Variants in MRTFB observed in about 807,000 individuals in gnomAD.
MRTFB encodes myocardin related transcription factor B.
MRTFB carries 29 observed loss-of-function variants against 104.2 expected under a neutral mutation model. That is an observed-to-expected ratio of 0.28 (90% CI 0.21 to 0.38). The LOEUF (loss-of-function observed/expected upper bound fraction) is 0.38. MRTFB is among the 10% of genes least tolerant of loss of function. The pLI is 1.00. For missense variants in MRTFB, 1,270 were observed against 1,341.6 expected, an observed-to-expected ratio of 0.95 and a Z score of 0.83; for synonymous variants, 535 against 519.5, an observed-to-expected ratio of 1.03 and a Z score of -0.41.
intron 2 of MRTFB, among the ~76,000 whole-genome samples, chr16:14,112,788 T>G (rs905303310): frequency 5.3e-5 from 8 of 152,236 alleles, no homozygotes; most frequent in Non-Finnish European, 8.8e-5. Flanking sequence ...CCAGGTATCT[T>G]TATAGCTTAT....
chr16:14,234,794 C>A (rs2042421840), intron 9 of MRTFB, among the ~76,000 whole-genome samples: 1 of 151,928 alleles, frequency 6.6e-6, no homozygotes, highest in Admixed American at 6.6e-5. Context: ...GACCCTGTCT[C>A]TTTAAAAAAA....
chr16:14,244,735 CCA>C (rs59583024), intron 10 of MRTFB, among the ~76,000 whole-genome samples: 3,047 of 152,282 alleles, frequency 0.02, 118 homozygotes, highest in African/African-American at 0.069. Context: ...CCCCACTTTT[CCA>C]CTGGGTTTTC....
At position 14,247,423 on chromosome 16, in the gene MRTFB, G is replaced by C; in HGVS notation, c.2163G>C (p.Gln721His). 1.2e-6 allele frequency: 2 copies of C among 1,610,654 alleles called. No individual in the cohort carries two copies. Among genetic ancestry groups the C allele is most frequent in the Non-Finnish European group, 1.7e-6 (2 of 1,179,872 alleles). The change falls in exon 12 of 17, where the codon CAG (glutamine) becomes CAC (histidine). Residue 721 changes from glutamine (Q) to histidine (H), a missense_variant. Around this residue, in one of 3 missense-constraint regions of MRTFB, gnomAD observed 1,144 missense variants for 1,131.5 expected, o/e 1.01. Transcript: ENST00000571589. ...VAQPQALLTT[Q>H]TAQLLLPVSI... ...AGCCCCAGGCTTTACTGACCACGCAGACTGCTCAGCTGCTGCTCCCAGTGT... is the reference window on the plus strand; with the variant it reads ...AGCCCCAGGCTTTACTGACCACGCACACTGCTCAGCTGCTGCTCCCAGTGT...
At chr16:14,130,082 C>T (rs1347495358) in intron 2 of MRTFB, among the ~76,000 whole-genome samples, 4 of 152,190 alleles carry the variant, frequency 2.6e-5, no homozygotes, top group Admixed American at 1.3e-4. Flanking sequence ...CTGCCCACCT[C>T]GGCCTCCCAA....
chr16:14,219,079 C>CAGA, intron 8 of MRTFB, 81 bp downstream of exon 8: 1 of 1,291,976 alleles, frequency 7.7e-7, no homozygotes, highest in Non-Finnish European at 1.0e-6. Context: ...ACACTTTGAC[C>CAGA]AGAAGAAAAT....
chr16:14,223,539 A>C (rs1392950760), intron 8 of MRTFB, among the ~76,000 whole-genome samples: 1 of 152,170 alleles, frequency 6.6e-6, no homozygotes, highest in East Asian at 1.9e-4. Context: ...TTATTTTTTA[A>C]ACCCAAACAA....
chr16:14,028,832 A>T, the MRTFB span, among the ~76,000 whole-genome samples: 1 of 134,714 alleles, frequency 7.4e-6, no homozygotes, highest in East Asian at 2.1e-4. Flanking sequence ...GCTCAGGGCC[A>T]GGCAGATTGT....
chr16:14,185,072 C>G (rs2039902241), intron 3 of MRTFB, among the ~76,000 whole-genome samples: 1 of 152,172 alleles, frequency 6.6e-6, no homozygotes, highest in Non-Finnish European at 1.5e-5. Flanking sequence ...GTAGTTTCTT[C>G]AGAAGAATGT....
Position 14,081,690 on chromosome 16 carries a change from C to T in MRTFB, c.-64+2336C>T, listed in dbSNP as rs2034416079. 2.6e-5 allele frequency among the ~76,000 whole-genome samples: 4 copies of T among 152,244 alleles called. No individual in the cohort carries two copies. The South Asian group carries it at 8.3e-4, about 32-fold the overall frequency. Reference sequence around the variant, plus strand: ...GACCTTCTAGGCTCAAGTGATCCTCCCACTTCAGCCTCCCTAGTAGCTGGG... The same window carrying T: ...GACCTTCTAGGCTCAAGTGATCCTCTCACTTCAGCCTCCCTAGTAGCTGGG... On this transcript the variant is annotated intron_variant, in intron 2 of 16. Transcript: ENST00000571589.
the MRTFB span, among the ~76,000 whole-genome samples, chr16:14,000,576 C>T: frequency 6.6e-6 from 1 of 152,208 alleles, no homozygotes; most frequent in African/African-American, 2.4e-5. Flanking sequence ...AAAGCCAGGG[C>T]CTTTTCTGCC....
At chr16:14,013,756 G>C in the MRTFB span, among the ~76,000 whole-genome samples, 1 of 152,178 alleles carries the variant, frequency 6.6e-6, no homozygotes, top group Non-Finnish European at 1.5e-5. Flanking sequence ...GCAGGTCTCT[G>C]TAGTGTCCTT....
At chr16:14,230,783 G>A (rs1463173095) in intron 8 of MRTFB, among the ~76,000 whole-genome samples, 1 of 152,046 alleles carries the variant, frequency 6.6e-6, no homozygotes. Flanking sequence ...CCATTACCGG[G>A]TATATACCCA....
Position 14,104,963 on chromosome 16 carries a change from G to C in MRTFB, c.-64+25609G>C, listed in dbSNP as rs1468245710. On this transcript the variant is annotated intron_variant, in intron 2 of 16. Coordinates refer to ENST00000571589, the MANE Select transcript of MRTFB (RefSeq NM_001308142.2). Reference sequence around the variant, plus strand: ...TTCGTTATCCTTGTTAGAACTTAGGGCTGTCAGGATGCCATCAGTGCCCCT... The same window carrying C: ...TTCGTTATCCTTGTTAGAACTTAGGCCTGTCAGGATGCCATCAGTGCCCCT... Among the ~76,000 whole-genome samples the C allele has an allele frequency of 2.0e-5, 3 of 152,128 alleles. No homozygotes were observed. In the South Asian group the frequency reaches 6.2e-4, roughly 32 times the overall value.
chr16:14,146,940 G>A (rs1023800676), intron 3 of MRTFB, among the ~76,000 whole-genome samples: 2 of 152,204 alleles, frequency 1.3e-5, no homozygotes, highest in Admixed American at 6.5e-5. Context: ...TGTCATAAAC[G>A]AGCAGGAAAC....
rs13336684 is a variant in MRTFB at position 14,085,947 on chromosome 16, G to T, written c.-64+6593G>T. Among the ~76,000 whole-genome samples the T allele has an allele frequency of 1.1e-4, 17 of 152,166 alleles. No individual in the cohort carries two copies. The East Asian group carries it at 1.9e-3, about 17-fold the overall frequency. ...TTTGTTGTTGTCAAGGGAAAAGTAA[G>T]TATCTAAACTAGGTAGGAAACTAGA... On this transcript the variant is annotated intron_variant, in intron 2 of 16. Transcript: ENST00000571589.
chr16:14,029,419 A>AAAATATAT, the MRTFB span, among the ~76,000 whole-genome samples: 1 of 88,898 alleles, frequency 1.1e-5, no homozygotes, highest in East Asian at 3.0e-4. Context: ...AAAAAAAAAA[A>AAAATATAT]ATATATATAT....
intron 3 of MRTFB, chr16:14,200,268 A>G: frequency 1.3e-6 from 2 of 1,523,288 alleles, no homozygotes; most frequent in South Asian, 2.3e-5. Context: ...TACAGCCTTT[A>G]AGAAAGAGCT....
chr16:14,058,467 A>G, the MRTFB span, among the ~76,000 whole-genome samples: 1 of 151,862 alleles, frequency 6.6e-6, no homozygotes, highest in Middle Eastern at 3.2e-3. Flanking sequence ...TGTTGTACAC[A>G]TCAATCTCAT....
chr16:14,133,310 T>C (rs1437757133), intron 2 of MRTFB, among the ~76,000 whole-genome samples: 1 of 152,226 alleles, frequency 6.6e-6, no homozygotes, highest in Non-Finnish European at 1.5e-5. Flanking sequence ...TTTTAATGAC[T>C]CCTCTTTAAA....
Sources: allele counts gnomAD v4.1 joint callset (sites outside exome capture counted in the v4.1 genomes callset), GRCh38; gene constraint gnomAD v4.1.1; regional missense constraint gnomAD v4.1.1; transcripts MANE v1.5; gene names NCBI Gene and HGNC (gene_info 2026-07-23, HGNC 2026-07-21).